FAT4: variants seen among roughly 807,000 people sequenced by gnomAD.
The protein encoded by FAT4 is FAT atypical cadherin 4.
FAT4 carries 84 observed loss-of-function variants against 303.9 expected under a neutral mutation model. The observed-to-expected ratio is 0.28, with a 90% CI of 0.23 to 0.33. The LOEUF is 0.33. Ranked by LOEUF, FAT4 falls within the 10% of genes least tolerant of loss-of-function variation. The pLI is 1.00. For missense variants in FAT4, 6,005 were observed against 6,146.8 expected, an observed-to-expected ratio of 0.98 and a Z score of 0.77; for synonymous variants, 2,307 against 2,298.8, an observed-to-expected ratio of 1.00 and a Z score of -0.10.
chr4:125,331,719 G>A (rs909473717), intron 2 of FAT4, among the ~76,000 whole-genome samples: 1 of 152,206 alleles, frequency 6.6e-6, no homozygotes, highest in Admixed American at 6.5e-5. Flanking sequence ...TCAGAAAACA[G>A]GTGAATACAT....
At chr4:125,393,890 G>A in intron 2 of FAT4, 1 of 776,720 alleles carries the variant, frequency 1.3e-6, no homozygotes, top group Non-Finnish European at 2.4e-6. Flanking sequence ...ACTGCTCAGG[G>A]CTCAGGTGAC....
At chr4:125,368,512 T>TTATATA (rs1258706265) in intron 2 of FAT4, among the ~76,000 whole-genome samples, 1 of 132,872 alleles carries the variant, frequency 7.5e-6, no homozygotes, top group Non-Finnish European at 1.7e-5. Context: ...TATGTATATA[T>TTATATA]TATATATATG....
At chr4:125,328,661 T>C (rs1338538135) in intron 2 of FAT4, among the ~76,000 whole-genome samples, 3 of 152,222 alleles carry the variant, frequency 2.0e-5, no homozygotes, top group African/African-American at 7.2e-5. Flanking sequence ...AAATCGTTTA[T>C]GTTATTGTTA....
chr4:125,369,594 G>T (rs1733026823), intron 2 of FAT4, among the ~76,000 whole-genome samples: 1 of 152,144 alleles, frequency 6.6e-6, no homozygotes, highest in African/African-American at 2.4e-5. Flanking sequence ...TGCCATTGAG[G>T]TTTTTAAAAA....
intron 7 of FAT4, among the ~76,000 whole-genome samples, chr4:125,421,561 T>C (rs945068647): frequency 3.3e-5 from 5 of 152,192 alleles, no homozygotes; most frequent in African/African-American, 1.2e-4. Flanking sequence ...CTGCCACTAC[T>C]CTTTCAGGGA....
chr4:125,352,525 T>C (rs1181897925), intron 2 of FAT4, among the ~76,000 whole-genome samples: 2 of 151,932 alleles, frequency 1.3e-5, no homozygotes, highest in East Asian at 3.9e-4. Context: ...GGGAAATACA[T>C]CTCCTGTGCT....
In FAT4 at chr4:125,451,812, C is replaced by G; in HGVS notation, c.10802C>G (p.Thr3601Ser). 4 of 1,614,174 alleles carry G rather than the reference C, an allele frequency of 2.5e-6. No homozygotes were observed. Among genetic ancestry groups the G allele is most frequent in the Non-Finnish European group, 2.5e-6 (3 of 1,180,026 alleles). The change falls in exon 10 of 18, where the codon ACT (threonine) becomes AGT (serine). Residue 3601 changes from threonine to serine, a missense_variant. Thr to Ser is a moderately conservative substitution (Grantham distance 58). Transcript: ENST00000394329. Reference protein sequence around the residue: ...SGVPQMSSTGTVHITVIDQND... With the variant: ...SGVPQMSSTGSVHITVIDQND... ...GTTCCTCAAATGTCTTCCACAGGAA[C>G]TGTGCATATCACAGTTATAGACCAA...
intron 3 of FAT4, among the ~76,000 whole-genome samples, chr4:125,404,805 A>G (rs929251962): frequency 3.3e-5 from 5 of 152,098 alleles, no homozygotes; most frequent in Admixed American, 1.3e-4. Context: ...GATACTTCAT[A>G]TATATAAATA....
intron 2 of FAT4, among the ~76,000 whole-genome samples, chr4:125,344,110 T>C (rs1250565558): frequency 1.3e-5 from 2 of 152,200 alleles, no homozygotes; most frequent in African/African-American, 4.8e-5. Context: ...AAAAAGTTGC[T>C]GATGAATGTT....
intron 2 of FAT4, among the ~76,000 whole-genome samples, chr4:125,390,317 C>T (rs897567610): frequency 6.6e-6 from 1 of 152,172 alleles, no homozygotes; most frequent in African/African-American, 2.4e-5. Flanking sequence ...CAGCACTGAG[C>T]TTCTCACTGC....
In FAT4 at chr4:125,398,702, C is replaced by T. The variant is rs11946554; in HGVS notation, c.5176-82C>T. ...CAATTCATTTTGGCAGTCTTGATTG[C>T]GTGGATTCCTGGTAGTCATTTTAAT... On this transcript the variant is annotated intron_variant, in intron 2 of 17. Coordinates refer to ENST00000394329, the MANE Select transcript of FAT4 (RefSeq NM_001291303.3). The T allele has an allele frequency of 0.063, 87,033 of 1,384,136 alleles. 2,943 individuals are homozygous for T. The highest frequency in any genetic ancestry group is 0.076 in the South Asian group (5,310 of 70,178). 85.7% of individuals were successfully genotyped at this position (1,384,136 alleles called of 1,614,324 possible). A position where few individuals can be genotyped will look rare whatever the true frequency, so the allele number is the denominator to read the frequency against.
chr4:125,440,882 C>T (rs1056967158), intron 8 of FAT4, among the ~76,000 whole-genome samples: 4 of 152,090 alleles, frequency 2.6e-5, no homozygotes, highest in African/African-American at 9.7e-5. Context: ...TTTTTTACCA[C>T]ACCTTGCAGC....
chr4:125,373,255 A>C (rs1465067009), intron 2 of FAT4, among the ~76,000 whole-genome samples: 3 of 152,120 alleles, frequency 2.0e-5, no homozygotes, highest in East Asian at 3.9e-4. Context: ...GAATTGTTCA[A>C]ATCAGAATTG....
intron 2 of FAT4, among the ~76,000 whole-genome samples, chr4:125,372,363 CAAAA>C (rs200201646): frequency 1.2e-5 from 1 of 86,294 alleles, no homozygotes; most frequent in African/African-American, 3.8e-5. Flanking sequence ...GACCCTGTTT[CAAAA>C]AAAAAAAAAA....
rs372392461 is a variant in FAT4, at chr4:125,449,177, G to A, written c.8167G>A (p.Ala2723Thr). ...GGAAAATAGTTTCAGTATCAATCATGCTACTGGTGAAATTAGAAGCGTTAG... is the reference window on the plus strand; with the variant it reads ...GGAAAATAGTTTCAGTATCAATCATACTACTGGTGAAATTAGAAGCGTTAG... The part of the protein sequence containing the change: ...NMENSFSINH[A>T]TGEIRSVRPL... The change falls in exon 10 of 18, where the codon GCT becomes ACT. Residue 2723 changes from alanine (A) to threonine (T), a missense_variant. Coordinates refer to ENST00000394329, the MANE Select transcript of FAT4 (RefSeq NM_001291303.3). 1.2e-6 allele frequency: 2 copies of A among 1,613,956 alleles called. No homozygotes were observed. The highest frequency in any genetic ancestry group is 1.7e-6 in the Non-Finnish European group (2 of 1,179,896).
chr4:125,336,294 T>G (rs1731573881), intron 2 of FAT4, among the ~76,000 whole-genome samples: 1 of 152,010 alleles, frequency 6.6e-6, no homozygotes, highest in South Asian at 2.1e-4. Flanking sequence ...CAGATGTAAT[T>G]TTTAAACATT....
intron 5 of FAT4, among the ~76,000 whole-genome samples, 158 bp downstream of exon 5, chr4:125,408,952 A>T (rs1470639310): frequency 3.3e-5 from 5 of 152,172 alleles, no homozygotes; most frequent in African/African-American, 4.8e-5. Context: ...AGAGGATTTT[A>T]AAAATTAAGT....
At chr4:125,394,182 T>C (rs1024829465) in intron 2 of FAT4, among the ~76,000 whole-genome samples, 11 of 152,198 alleles carry the variant, frequency 7.2e-5, no homozygotes, top group Non-Finnish European at 5.9e-5. Flanking sequence ...AGGGCAGTTT[T>C]TACAGATTTT....
At chr4:125,481,820 G>C in intron 16 of FAT4, 82 bp downstream of exon 16, 1 of 1,257,750 alleles carries the variant, frequency 8.0e-7, no homozygotes, top group South Asian at 1.3e-5. Context: ...CATAATTTCT[G>C]TCCTTTTCTT....
Sources: allele counts gnomAD v4.1 joint callset (sites outside exome capture counted in the v4.1 genomes callset), GRCh38; gene constraint gnomAD v4.1.1; transcripts MANE v1.5; gene names NCBI Gene and HGNC (gene_info 2026-07-23, HGNC 2026-07-21).